ATG7: variants seen among roughly 807,000 people sequenced by gnomAD.
The protein encoded by ATG7 is autophagy related 7, also known as ubiquitin-like modifier-activating enzyme ATG7.
In ATG7, 70 loss-of-function variants were observed where a neutral mutation model predicts 82.4. The observed-to-expected ratio is 0.85, with a 90% confidence interval of 0.70 to 1.04. The LOEUF is 1.04. Among genes scored for constraint, ATG7 ranks in the 50% least tolerant of loss-of-function variants. ATG7 has a pLI of 0.00. For missense variants in ATG7, 792 were observed against 864.3 expected, an observed-to-expected ratio of 0.92 and a Z score of 1.05; for synonymous variants, 287 against 313.0, an observed-to-expected ratio of 0.92 and a Z score of 0.88.
chr3:11,535,783 A>G (rs1211466869), intron 20 of ATG7, among the ~76,000 whole-genome samples: 1 of 152,140 alleles, frequency 6.6e-6, no homozygotes, highest in Non-Finnish European at 1.5e-5. Context: ...CCTTCCCAAG[A>G]GCCCTCTGGG....
the ATG7 span, among the ~76,000 whole-genome samples, chr3:11,573,120 C>T: frequency 6.6e-6 from 1 of 151,278 alleles, no homozygotes; most frequent in Admixed American, 6.6e-5. Context: ...GAGCCAAGAT[C>T]GAGCCATTGC....
At chr3:11,355,818 T>C (rs563838707) in intron 14 of ATG7, among the ~76,000 whole-genome samples, 1 of 152,322 alleles carries the variant, frequency 6.6e-6, no homozygotes, top group South Asian at 2.1e-4. Flanking sequence ...TATGCCTACC[T>C]TGTGACCCAG....
At chr3:11,427,064 T>G in intron 20 of ATG7, 138 bp downstream of exon 20, 1 of 1,145,114 alleles carries the variant, frequency 8.7e-7, no homozygotes, top group Non-Finnish European at 1.2e-6. Flanking sequence ...AGTCTGCTAG[T>G]TACCAGAGAA....
At chr3:11,522,652 A>G (rs1247847973) in intron 20 of ATG7, among the ~76,000 whole-genome samples, 4 of 151,896 alleles carry the variant, frequency 2.6e-5, no homozygotes, top group Non-Finnish European at 5.9e-5. Flanking sequence ...TTAGACTAAA[A>G]TTCTAGAGGT....
At chr3:11,317,435 T>TTAAATTA (rs1393734932) in intron 9 of ATG7, among the ~76,000 whole-genome samples, 2 of 152,168 alleles carry the variant, frequency 1.3e-5, no homozygotes. Flanking sequence ...AAAGGGACTT[T>TTAAATTA]CACATACTTG....
chr3:11,487,370 G>GC (rs1254383480), intron 20 of ATG7, among the ~76,000 whole-genome samples: 1 of 45,060 alleles, frequency 2.2e-5, no homozygotes, highest in East Asian at 5.1e-4. Context: ...AGACGGGGTG[G>GC]TGGCCGGGCA....
intron 1 of ATG7, among the ~76,000 whole-genome samples, chr3:11,280,528 AGTT>A (rs1942860423): frequency 6.6e-6 from 1 of 152,180 alleles, no homozygotes; most frequent in African/African-American, 2.4e-5. Context: ...TGCCTTGTCC[AGTT>A]GTTTTCTTGA....
intron 19 of ATG7, among the ~76,000 whole-genome samples, chr3:11,392,694 A>C (rs1267756643): frequency 6.6e-6 from 1 of 152,070 alleles, no homozygotes; most frequent in Non-Finnish European, 1.5e-5. Flanking sequence ...TCAGAATCAT[A>C]ATATTCCGGC....
At chr3:11,509,270 A>T (rs775331408) in intron 20 of ATG7, among the ~76,000 whole-genome samples, 1 of 152,230 alleles carries the variant, frequency 6.6e-6, no homozygotes, top group Non-Finnish European at 1.5e-5. Flanking sequence ...TGCTGCCGGC[A>T]GGAGGGAGCC....
intron 20 of ATG7, among the ~76,000 whole-genome samples, chr3:11,539,699 T>G (rs564544716): frequency 6.6e-6 from 1 of 152,362 alleles, no homozygotes; most frequent in South Asian, 2.1e-4. Context: ...TAAGCTATAT[T>G]CGTTTTCTCT....
chr3:11,335,317 GCCACACTGGAAGAAGAATTGTCTTGGA>G (rs1287857625), intron 11 of ATG7, among the ~76,000 whole-genome samples: 1 of 152,004 alleles, frequency 6.6e-6, no homozygotes, highest in African/African-American at 2.4e-5. Context: ...GCTTCCTTGG[GCCACACTGGAAGAAGAATTGTCTTGGA>G]CCACACATAA....
downstream of ATG7, chr3:11,558,286 T>G: frequency 1.9e-6 from 1 of 536,788 alleles, no homozygotes; most frequent in Non-Finnish European, 3.2e-6. Context: ...GCATCAGAGG[T>G]TTCTTTGGTA....
chr3:11,558,461 A>ACC, downstream of ATG7: 1 of 568,510 alleles, frequency 1.8e-6, no homozygotes, highest in Non-Finnish European at 2.6e-6. Flanking sequence ...CCTTCCCCCC[A>ACC]CCCCACCCCC....
chr3:11,567,454 C>T, the ATG7 span, among the ~76,000 whole-genome samples: 22 of 152,144 alleles, frequency 1.4e-4, no homozygotes, highest in Admixed American at 3.9e-4. Context: ...AAATGTTCAG[C>T]CCATTAAGAC....
intron 20 of ATG7, among the ~76,000 whole-genome samples, chr3:11,439,893 C>G (rs2083717062): frequency 6.6e-6 from 1 of 152,162 alleles, no homozygotes; most frequent in African/African-American, 2.4e-5. Context: ...TTTTGATGCC[C>G]ATAACAATCT....
At chr3:11,276,347 G>C (rs1004415973) in intron 1 of ATG7, among the ~76,000 whole-genome samples, 2 of 152,110 alleles carry the variant, frequency 1.3e-5, no homozygotes, top group Non-Finnish European at 2.9e-5. Flanking sequence ...CGCCTCCTTT[G>C]CCTCAAGGAC....
At position 11,408,703 on chromosome 3, in the gene ATG7, A is replaced by G. The variant is rs1056790923; in HGVS notation, c.1957-18101A>G. ...AGCTTGTACAGGGGAACGCCTCGTT[A>G]AAACTGCCATATCTTGTGTGACCCA... On this transcript the variant is annotated intron_variant, in intron 19 of 20. Coordinates refer to ENST00000693202, the MANE Select transcript of ATG7 (RefSeq NM_001349232.2). Among the ~76,000 whole-genome samples, 13 of 152,208 alleles carry G rather than the reference A, an allele frequency of 8.5e-5. No homozygotes were observed. In the East Asian group the frequency reaches 2.5e-3, roughly 29 times the overall value.
intron 12 of ATG7, among the ~76,000 whole-genome samples, chr3:11,341,317 C>G (rs1021736768): frequency 6.6e-6 from 1 of 152,162 alleles, no homozygotes; most frequent in Non-Finnish European, 1.5e-5. Flanking sequence ...GCCTCGGCCT[C>G]CCAAAGTGCT....
At chr3:11,492,156 A>G (rs113731331) in intron 20 of ATG7, among the ~76,000 whole-genome samples, 299 of 152,268 alleles carry the variant, frequency 2.0e-3, no homozygotes, top group African/African-American at 6.5e-3. Context: ...GTGGAATACA[A>G]TCTCCTGGTG....
Sources: allele counts gnomAD v4.1 joint callset (sites outside exome capture counted in the v4.1 genomes callset), GRCh38; gene constraint gnomAD v4.1.1; transcripts MANE v1.5; gene names NCBI Gene and HGNC (gene_info 2026-07-23, HGNC 2026-07-21).